The following METTL15 variants were observed in gnomAD, a reference collection of about 807,000 sequenced individuals.
METTL15 encodes 12S rRNA N(4)-cytidine methyltransferase METTL15.
A neutral mutation model predicts 38.3 loss-of-function variants in METTL15; 34 were observed. That is an observed-to-expected ratio of 0.89 (90% CI 0.68 to 1.18). The LOEUF is 1.18. METTL15 is among the 50% of genes most tolerant of loss of function. The pLI is 0.00. For missense variants in METTL15, 438 were observed against 498.4 expected, an observed-to-expected ratio of 0.88 and a Z score of 1.15; for synonymous variants, 162 against 170.9, an observed-to-expected ratio of 0.95 and a Z score of 0.41.
chr11:28,304,657 A>G (rs1857020121), intron 6 of METTL15, among the ~76,000 whole-genome samples: 1 of 152,158 alleles, frequency 6.6e-6, no homozygotes, highest in Non-Finnish European at 1.5e-5. Context: ...TGGAGATTAC[A>G]GTGAGCTGAG....
chr11:28,150,838 T>C (rs1035381580), intron 3 of METTL15, among the ~76,000 whole-genome samples: 2 of 151,538 alleles, frequency 1.3e-5, no homozygotes, highest in Admixed American at 1.3e-4. Context: ...CAGGAGGTAA[T>C]GATGAACCTG....
chr11:28,281,383 TCTC>T (rs1259741117), intron 4 of METTL15, among the ~76,000 whole-genome samples: 2 of 152,146 alleles, frequency 1.3e-5, no homozygotes, highest in African/African-American at 4.8e-5. Context: ...TGCCGAAAGT[TCTC>T]CTCAGTTTCT....
In METTL15 at chr11:28,290,239, C is replaced by A; in HGVS notation, c.441C>A (p.Ser147Arg). 2.5e-6 allele frequency: 4 copies of A among 1,612,590 alleles called. No homozygotes were observed. The highest frequency in any genetic ancestry group is 3.4e-6 in the Non-Finnish European group (4 of 1,179,202). The change falls in exon 5 of 7, where the codon AGC becomes AGA. Residue 147 changes from serine (S) to arginine (R), a missense_variant. Transcript: ENST00000407364. ...TCCGAGCTATGCTGGGCCAGTTCAG[C>A]CAGGCAGAAGCCTTATTAATGAAAG... is the stretch of plus-strand genomic sequence containing the variant. ...KQIRAMLGQF[S>R]QAEALLMKAG... is the part of the protein sequence containing the mutation.
At chr11:28,136,961 T>A (rs1352956785) in intron 3 of METTL15, among the ~76,000 whole-genome samples, 1 of 152,152 alleles carries the variant, frequency 6.6e-6, no homozygotes, top group Non-Finnish European at 1.5e-5. Context: ...AAATCCTGTT[T>A]AAGAGAGAAA....
chr11:28,191,078 G>A (rs1357910460), intron 3 of METTL15, among the ~76,000 whole-genome samples: 1 of 151,300 alleles, frequency 6.6e-6, no homozygotes, highest in African/African-American at 2.4e-5. Context: ...TATAAGGTTT[G>A]TATTTTAAAC....
rs772401322 is a variant in METTL15, at chr11:28,394,543, CA to C, written c.*359-29754del. 2.6e-5 allele frequency among the ~76,000 whole-genome samples: 4 copies of C among 152,098 alleles called. No homozygotes were observed. In the South Asian group the frequency reaches 8.3e-4, roughly 32 times the overall value. ...GGAGGTGGCAGAGAATGAAAGTTCT[CA>C]ATACTAAAAAATTCTTAAAATGTTT... On this transcript the variant is annotated intron_variant and NMD_transcript_variant, in intron 5 of 7. Coordinates refer to the METTL15 transcript ENST00000532947.
At chr11:28,169,676 C>T (rs1235967502) in intron 3 of METTL15, among the ~76,000 whole-genome samples, 1 of 151,974 alleles carries the variant, frequency 6.6e-6, no homozygotes, top group Non-Finnish European at 1.5e-5. Context: ...GAGCTATTTA[C>T]CAGAGTTGTG....
chr11:28,234,984 A>G (rs1853879538), intron 4 of METTL15, among the ~76,000 whole-genome samples: 2 of 151,338 alleles, frequency 1.3e-5, no homozygotes, highest in South Asian at 4.2e-4. Flanking sequence ...ATTTTTGTAT[A>G]AGATGTAAGG....
chr11:28,379,365 G>A (rs149496162), intron 5 of METTL15, among the ~76,000 whole-genome samples: 1 of 151,956 alleles, frequency 6.6e-6, no homozygotes, highest in Non-Finnish European at 1.5e-5. Context: ...GTCCCTCTTA[G>A]TACATCATTT....
intron 4 of METTL15, among the ~76,000 whole-genome samples, chr11:28,260,172 C>T (rs138515406): frequency 1.6e-3 from 239 of 152,316 alleles, no homozygotes; most frequent in Non-Finnish European, 2.7e-3. Flanking sequence ...ACTGTCCTTT[C>T]TGTACTAAGA....
At position 28,208,951 on chromosome 11, in the gene METTL15, T is replaced by C. The variant is rs79776909; in HGVS notation, c.271-2111T>C. ...TCACGTATTAACTCAGGACATATGA[T>C]GGGTTTCCCTTCTAGTTTCATAAAT... On this transcript the variant is annotated intron_variant, in intron 3 of 6. Coordinates refer to ENST00000407364, the MANE Select transcript of METTL15 (RefSeq NM_001113528.2). 4.4e-3 allele frequency among the ~76,000 whole-genome samples: 667 copies of C among 152,116 alleles called. 7 individuals are homozygous for C. Among genetic ancestry groups the C allele is most frequent in the African/African-American group, 0.015 (643 of 41,560 alleles).
At chr11:28,395,920 T>C (rs1850563329) in intron 5 of METTL15, among the ~76,000 whole-genome samples, 1 of 152,136 alleles carries the variant, frequency 6.6e-6, no homozygotes, top group Admixed American at 6.6e-5. Context: ...GCTTCATCCC[T>C]GGGATGCAAG....
At chr11:28,237,411 G>C (rs1397615652) in intron 4 of METTL15, among the ~76,000 whole-genome samples, 1 of 152,056 alleles carries the variant, frequency 6.6e-6, no homozygotes, top group African/African-American at 2.4e-5. Flanking sequence ...TGAGGCTTCT[G>C]CATTCTTCAC....
chr11:28,319,938 TCAATG>T (rs1849402134), intron 6 of METTL15, among the ~76,000 whole-genome samples: 2 of 152,136 alleles, frequency 1.3e-5, no homozygotes, highest in Admixed American at 6.5e-5. Flanking sequence ...CGATACAGAG[TCAATG>T]TTCTTCTGTC....
intron 6 of METTL15, among the ~76,000 whole-genome samples, chr11:28,309,797 C>A (rs1342937702): frequency 6.6e-6 from 1 of 152,168 alleles, no homozygotes; most frequent in African/African-American, 2.4e-5. Context: ...ATCCCTGGGT[C>A]ATTTTTTTCT....
chr11:28,374,259 A>G, intron 5 of METTL15, among the ~76,000 whole-genome samples: 1 of 151,988 alleles, frequency 6.6e-6, no homozygotes, highest in East Asian at 1.9e-4. Context: ...CTTGGGCAGT[A>G]TGGCCATTTT....
At chr11:28,404,432 C>T (rs924602090) in intron 5 of METTL15, among the ~76,000 whole-genome samples, 3 of 152,012 alleles carry the variant, frequency 2.0e-5, no homozygotes, top group African/African-American at 7.2e-5. Flanking sequence ...CTGGTTAGGG[C>T]TTACTTCCTG....
chr11:28,430,167 C>T (rs1242298873), intron 6 of METTL15, among the ~76,000 whole-genome samples: 3 of 151,712 alleles, frequency 2.0e-5, no homozygotes, highest in Non-Finnish European at 4.4e-5. Context: ...CCGGCAGCTG[C>T]CCCGTCTGGG....
rs1351133569 is a variant in METTL15 at position 28,332,517 on chromosome 11, T to C, written c.*1676T>C. 1 of 151,060 alleles carries C rather than the reference T, an allele frequency of 6.6e-6. No homozygotes were observed. Among genetic ancestry groups the C allele is most frequent in the Non-Finnish European group, 1.5e-5 (1 of 67,940 alleles). 9.4% of individuals were successfully genotyped at this position (151,060 alleles called of 1,614,324 possible). ...AAACTGAATGTACTGGGTTGAATGG[T>C]GTCCTCTCCAAAATTCATGTACTTC... On this transcript the variant is annotated 3_prime_UTR_variant, in exon 7 of 7. Transcript: ENST00000407364.
Sources: allele counts gnomAD v4.1 joint callset (sites outside exome capture counted in the v4.1 genomes callset), GRCh38; gene constraint gnomAD v4.1.1; transcripts MANE v1.5; gene names NCBI Gene and HGNC (gene_info 2026-07-23, HGNC 2026-07-21).